CNTN5: variants seen among roughly 807,000 people sequenced by gnomAD.
The protein encoded by CNTN5 is contactin-5.
Under a neutral mutation model 129.1 loss-of-function variants are expected in CNTN5, and 77 were observed. The ratio of observed to expected loss-of-function variants is 0.60; its 90% CI spans 0.50 to 0.72. The LOEUF is 0.72. CNTN5 is among the 30% of genes least tolerant of loss of function. CNTN5 has a pLI of 0.00. For synonymous variants in CNTN5, 509 were observed against 465.6 expected (o/e 1.09, Z -1.20); for missense variants, 1,478 against 1,328.8 (o/e 1.11, Z -1.75).
At chr11:99,450,885 G>A (rs939102915) in intron 2 of CNTN5, among the ~76,000 whole-genome samples, 1 of 147,480 alleles carries the variant, frequency 6.8e-6, no homozygotes, top group African/African-American at 2.5e-5. Context: ...TGCAAATACA[G>A]AATCTGGGAA....
chr11:99,526,254 A>G (rs1034944595), intron 2 of CNTN5, among the ~76,000 whole-genome samples: 1 of 152,162 alleles, frequency 6.6e-6, no homozygotes, highest in African/African-American at 2.4e-5. Flanking sequence ...TTTTCTTTAA[A>G]TGCTTCAAAA....
intron 2 of CNTN5, among the ~76,000 whole-genome samples, chr11:99,364,948 G>A (rs572081839): frequency 6.6e-6 from 1 of 152,230 alleles, no homozygotes; most frequent in South Asian, 2.1e-4. Flanking sequence ...CCTGAATAAG[G>A]ATGGCTTTGA....
intron 3 of CNTN5, among the ~76,000 whole-genome samples, chr11:99,744,543 T>TAA (rs553540845): frequency 0.037 from 1,374 of 37,476 alleles, 118 homozygotes; most frequent in African/African-American, 0.076. Flanking sequence ...TACAAAAAGT[T>TAA]AAAAAAAAAA....
chr11:99,822,072 A>T (rs1228789415), intron 4 of CNTN5, among the ~76,000 whole-genome samples: 1 of 152,152 alleles, frequency 6.6e-6, no homozygotes, highest in African/African-American at 2.4e-5. Context: ...TTTAGCCTTA[A>T]TAGAGAGTAA....
intron 3 of CNTN5, among the ~76,000 whole-genome samples, chr11:99,784,104 C>T (rs908496934): frequency 6.6e-6 from 1 of 152,024 alleles, no homozygotes; most frequent in Non-Finnish European, 1.5e-5. Context: ...AGAAGATGAA[C>T]AAAATCCCTG....
chr11:99,625,900 TTATA>T (rs140396628), intron 3 of CNTN5, among the ~76,000 whole-genome samples: 38 of 146,396 alleles, frequency 2.6e-4, no homozygotes, highest in African/African-American at 9.6e-4. Context: ...AAGGGCAAGA[TTATA>T]TATATATATA....
intron 8 of CNTN5, among the ~76,000 whole-genome samples, chr11:99,987,828 AG>A (rs1938789343): frequency 6.6e-6 from 1 of 152,072 alleles, no homozygotes; most frequent in Non-Finnish European, 1.5e-5. Flanking sequence ...ACTGATTTGG[AG>A]GGGGTTACAT....
At chr11:100,108,683 A>G (rs1945540127) in intron 13 of CNTN5, among the ~76,000 whole-genome samples, 1 of 152,104 alleles carries the variant, frequency 6.6e-6, no homozygotes. Flanking sequence ...ATATTTTTAT[A>G]ATATCATGTA....
rs1190136395 is a variant in CNTN5 at position 99,199,990 on chromosome 11, A to ATCG, written c.-209-125354_-209-125353insGTC. ...CAACATCATCATCATCATCATCATC[A>ATCG]TCATCAGTGATAGATAATATAGGTC... On this transcript the variant is annotated intron_variant, in intron 1 of 24. Transcript: ENST00000524871. Among the ~76,000 whole-genome samples the ATCG allele has an allele frequency of 3.9e-5, 6 of 152,024 alleles. 1 individual carries two copies. Among genetic ancestry groups the ATCG allele is most frequent in the East Asian group, 3.9e-4 (2 of 5,152 alleles).
chr11:99,997,498 T>C (rs1285145417), intron 8 of CNTN5, among the ~76,000 whole-genome samples: 2 of 152,184 alleles, frequency 1.3e-5, no homozygotes, highest in African/African-American at 4.8e-5. Context: ...GGAGCTGCAA[T>C]TGTGGCAATA....
chr11:100,190,289 T>C (rs965792184), intron 13 of CNTN5, among the ~76,000 whole-genome samples: 3 of 152,140 alleles, frequency 2.0e-5, no homozygotes, highest in African/African-American at 7.2e-5. Flanking sequence ...CTATTATGTT[T>C]CAGGTTGCCG....
intron 8 of CNTN5, among the ~76,000 whole-genome samples, chr11:99,991,193 C>T (rs528820228): frequency 1.1e-4 from 16 of 152,234 alleles, no homozygotes; most frequent in East Asian, 7.8e-4. Flanking sequence ...ACAGGCCAGG[C>T]GTGGTGGCTC....
chr11:99,606,739 C>T (rs1184123237), intron 3 of CNTN5, among the ~76,000 whole-genome samples: 4 of 144,426 alleles, frequency 2.8e-5, no homozygotes, highest in South Asian at 2.3e-4. Context: ...GTTACTGGTA[C>T]GAAAACAGAG....
chr11:99,257,271 G>T (rs73000235), intron 1 of CNTN5, among the ~76,000 whole-genome samples: 4,710 of 152,240 alleles, frequency 0.031, 108 homozygotes, highest in Middle Eastern at 0.068. Flanking sequence ...CAGGAAGGAA[G>T]GGTAGGTCAA....
chr11:100,237,106 G>A (rs989758862), intron 16 of CNTN5, among the ~76,000 whole-genome samples: 6 of 150,248 alleles, frequency 4.0e-5, no homozygotes, highest in East Asian at 4.0e-4. Flanking sequence ...GGAGAATGGC[G>A]TGAACCCGGG....
chr11:99,760,942 A>C lies in CNTN5; in HGVS notation c.56-58602A>C, dbSNP rs1944558524. 2.6e-5 allele frequency among the ~76,000 whole-genome samples: 4 copies of C among 152,278 alleles called. No individual in the cohort carries two copies. The South Asian group carries it at 8.3e-4, about 32-fold the overall frequency. ...CTGTGTTGCAAATTTTCAAAAGAAA[A>C]AAACGTTTTCTAATGATGTGGGTTA... is the stretch of plus-strand genomic sequence containing the variant. On this transcript the variant is annotated intron_variant, in intron 3 of 24. Coordinates refer to ENST00000524871, the MANE Select transcript of CNTN5 (RefSeq NM_014361.4).
chr11:99,028,667 C>G (rs180703110), intron 1 of CNTN5, among the ~76,000 whole-genome samples: 1 of 151,574 alleles, frequency 6.6e-6, no homozygotes, highest in Non-Finnish European at 1.5e-5. Context: ...ACTTTAATAT[C>G]TCAGAGCCAT....
chr11:99,088,495 A>C (rs559096198), intron 1 of CNTN5, among the ~76,000 whole-genome samples: 9 of 152,234 alleles, frequency 5.9e-5, no homozygotes, highest in African/African-American at 2.2e-4. Context: ...TAAGGTATAA[A>C]TCTTGAGAGG....
chr11:99,390,434 A>T (rs1302403521), intron 2 of CNTN5, among the ~76,000 whole-genome samples: 1 of 152,216 alleles, frequency 6.6e-6, no homozygotes, highest in African/African-American at 2.4e-5. Context: ...TATTCATAAG[A>T]AAAAAGAAAG....
Sources: allele counts gnomAD v4.1 joint callset (sites outside exome capture counted in the v4.1 genomes callset), GRCh38; gene constraint gnomAD v4.1.1; transcripts MANE v1.5; gene names NCBI Gene and HGNC (gene_info 2026-07-23, HGNC 2026-07-21).